ADGRL2: variants seen among roughly 807,000 people sequenced by gnomAD.
ADGRL2 encodes adhesion G protein-coupled receptor L2.
A neutral mutation model predicts 157.4 loss-of-function variants in ADGRL2; 44 were observed. That is an observed-to-expected ratio of 0.28 (90% CI 0.22 to 0.36). The LOEUF (loss-of-function observed/expected upper bound fraction) is 0.36, where lower values mean the gene tolerates loss of function less well. Among genes scored for constraint, ADGRL2 ranks in the 10% least tolerant of loss-of-function variants. The pLI, the probability that ADGRL2 is intolerant of heterozygous loss-of-function variation, is 1.00. For synonymous variants in ADGRL2, 585 were observed against 624.7 expected (o/e 0.94, Z 0.95); for missense variants, 1,510 against 1,768.9 (o/e 0.85, Z 2.63).
At chr1:81,645,682 T>C (rs975035698) in intron 3 of ADGRL2, among the ~76,000 whole-genome samples, 3 of 152,192 alleles carry the variant, frequency 2.0e-5, no homozygotes, top group African/African-American at 7.2e-5. Context: ...TGTATATTGA[T>C]TGTCCTTATT....
intron 1 of ADGRL2, among the ~76,000 whole-genome samples, chr1:81,395,603 T>A (rs2076641466): frequency 6.6e-6 from 1 of 152,188 alleles, no homozygotes; most frequent in Admixed American, 6.5e-5. Flanking sequence ...GTCTTTTCCA[T>A]AAAATCTTTG....
intron 2 of ADGRL2, among the ~76,000 whole-genome samples, chr1:81,463,061 G>T (rs1482228316): frequency 6.9e-6 from 1 of 145,518 alleles, no homozygotes; most frequent in Non-Finnish European, 1.5e-5. Context: ...GTTGCAGTGA[G>T]CTGTGATTGC....
At chr1:81,945,759 A>G (rs2148991812) in intron 6 of ADGRL2, among the ~76,000 whole-genome samples, 1 of 152,228 alleles carries the variant, frequency 6.6e-6, no homozygotes, top group South Asian at 2.1e-4. Flanking sequence ...GCCATTCTTT[A>G]TAAATAGTCC....
intron 1 of ADGRL2, among the ~76,000 whole-genome samples, chr1:81,413,553 G>A (rs2076984396): frequency 6.6e-6 from 1 of 152,126 alleles, no homozygotes; most frequent in Admixed American, 6.5e-5. Flanking sequence ...TAGAGACATT[G>A]CTCCATGAAA....
chr1:81,944,663 G>T (rs933903924), intron 6 of ADGRL2, among the ~76,000 whole-genome samples: 2 of 151,922 alleles, frequency 1.3e-5, no homozygotes, highest in Non-Finnish European at 2.9e-5. Context: ...CTAATTTACT[G>T]AGTTAATCTT....
chr1:81,503,767 G>C (rs898197007), intron 2 of ADGRL2, among the ~76,000 whole-genome samples: 22 of 152,142 alleles, frequency 1.4e-4, no homozygotes, highest in Non-Finnish European at 2.5e-4. Context: ...CTCCCAGCTC[G>C]GGGCACAGTG....
chr1:81,801,586 C>T (rs941474750), intron 1 of ADGRL2, among the ~76,000 whole-genome samples: 5 of 152,334 alleles, frequency 3.3e-5, no homozygotes, highest in Admixed American at 2.6e-4. Context: ...CTTCCCCGAG[C>T]CCGAGTCTGC....
intron 3 of ADGRL2, among the ~76,000 whole-genome samples, chr1:81,924,496 T>C (rs1391110277): frequency 1.3e-5 from 2 of 152,154 alleles, no homozygotes; most frequent in African/African-American, 4.8e-5. Flanking sequence ...GAGCCATGCT[T>C]ATGGAGTAGA....
chr1:81,764,164 CT>C (rs1302266093), intron 2 of ADGRL2, among the ~76,000 whole-genome samples: 18 of 128,390 alleles, frequency 1.4e-4, no homozygotes, highest in African/African-American at 5.4e-4. Context: ...TGCACTCCAG[CT>C]TGGGTGACAG....
At chr1:81,910,651 G>A (rs1248463131) in intron 3 of ADGRL2, among the ~76,000 whole-genome samples, 3 of 148,276 alleles carry the variant, frequency 2.0e-5, no homozygotes, top group South Asian at 2.1e-4. Flanking sequence ...TTTAATTGTG[G>A]TACTCCGGGC....
intron 1 of ADGRL2, among the ~76,000 whole-genome samples, chr1:81,418,298 T>C (rs2077066610): frequency 6.6e-6 from 1 of 152,260 alleles, no homozygotes; most frequent in South Asian, 2.1e-4. Context: ...CCCTTGAGCC[T>C]GGAAATCATT....
intron 2 of ADGRL2, among the ~76,000 whole-genome samples, chr1:81,885,251 T>C (rs3790921): frequency 0.15 from 23,178 of 152,232 alleles, 1,826 homozygotes; most frequent in South Asian, 0.18. Context: ...CTGTAACATA[T>C]TCATGTAAAT....
intron 18 of ADGRL2, among the ~76,000 whole-genome samples, chr1:81,980,538 AC>A (rs1225854077): frequency 6.6e-6 from 1 of 151,826 alleles, no homozygotes; most frequent in Non-Finnish European, 1.5e-5. Context: ...TTTCAGAGTT[AC>A]CTTTAAAATA....
intron 3 of ADGRL2, among the ~76,000 whole-genome samples, chr1:81,929,499 G>C (rs550337564): frequency 1.3e-5 from 2 of 152,254 alleles, no homozygotes; most frequent in South Asian, 4.1e-4. Flanking sequence ...TTAATCAGCA[G>C]AACAAGACTA....
At position 81,973,874 on chromosome 1, in the gene ADGRL2, G is replaced by A. The variant is rs141732518; in HGVS notation, c.3021+1956G>A. On this transcript the variant is annotated intron_variant, in intron 17 of 23. Transcript: ENST00000686636. ...GAGTGGTATAGGAGTACAAAACAGC[G>A]TCTTGCAAAAGAATATCTAACTTAA... Among the ~76,000 whole-genome samples, 43 of 152,184 alleles carry A rather than the reference G, an allele frequency of 2.8e-4. 1 individual carries two copies. Among genetic ancestry groups the A allele is most frequent in the African/African-American group, 8.7e-4 (36 of 41,514 alleles).
intron 1 of ADGRL2, among the ~76,000 whole-genome samples, chr1:81,754,803 C>T (rs561189755): frequency 2.6e-5 from 4 of 151,458 alleles, no homozygotes; most frequent in South Asian, 4.2e-4. Context: ...CTTAGACATA[C>T]TACTTTCTTT....
At chr1:81,468,512 T>C (rs2078106364) in intron 2 of ADGRL2, among the ~76,000 whole-genome samples, 1 of 152,176 alleles carries the variant, frequency 6.6e-6, no homozygotes, top group Admixed American at 6.6e-5. Flanking sequence ...AAGTTTTCTG[T>C]GACAACAATG....
intron 1 of ADGRL2, among the ~76,000 whole-genome samples, chr1:81,388,692 C>T (rs1219521884): frequency 6.6e-6 from 1 of 152,140 alleles, no homozygotes; most frequent in African/African-American, 2.4e-5. Context: ...GAAGTGGGCC[C>T]TCACATCGGA....
intron 1 of ADGRL2, among the ~76,000 whole-genome samples, chr1:81,371,803 T>G (rs1228921296): frequency 6.6e-6 from 1 of 152,254 alleles, no homozygotes; most frequent in Non-Finnish European, 1.5e-5. Flanking sequence ...CATTCATTCA[T>G]TATTCAATAA....
Sources: gnomAD v4.1 joint callset for allele counts (sites outside exome capture counted in the v4.1 genomes callset) on GRCh38, gnomAD v4.1.1 for gene constraint, MANE v1.5 for transcripts, NCBI Gene and HGNC (gene_info 2026-07-23, HGNC 2026-07-21) for gene names.